PHACTR3: variants seen among roughly 807,000 people sequenced by gnomAD.
PHACTR3 encodes protein phosphatase 1, regulatory subunit 123.
In PHACTR3, 16 loss-of-function variants were observed where a neutral mutation model predicts 66.8. The observed-to-expected ratio is 0.24, with a 90% CI of 0.16 to 0.36. PHACTR3 has a LOEUF of 0.36. Ranked by LOEUF, PHACTR3 falls within the 10% of genes least tolerant of loss-of-function variation. The pLI, the probability that PHACTR3 is intolerant of heterozygous loss-of-function variation, is 1.00. For missense variants in PHACTR3, 647 were observed against 719.9 expected (o/e 0.90, Z 1.16); for synonymous variants, 323 against 292.1 (o/e 1.11, Z -1.08).
At chr20:59,645,240 T>C (rs2035244372) in intron 1 of PHACTR3, among the ~76,000 whole-genome samples, 1 of 150,904 alleles carries the variant, frequency 6.6e-6, no homozygotes, top group African/African-American at 2.4e-5. Context: ...TTTTTTTTTT[T>C]TTACCCACTC....
At chr20:59,707,947 TAACAATGTGAA>T (rs1470711252) in intron 1 of PHACTR3, among the ~76,000 whole-genome samples, 5 of 152,240 alleles carry the variant, frequency 3.3e-5, no homozygotes, top group Non-Finnish European at 7.3e-5. Flanking sequence ...TGTTCCTTTT[TAACAATGTGAA>T]ATGGACTAAC....
At chr20:59,611,375 C>T (rs940763546) in intron 1 of PHACTR3, among the ~76,000 whole-genome samples, 4 of 152,226 alleles carry the variant, frequency 2.6e-5, no homozygotes, top group African/African-American at 4.8e-5. Context: ...CAGCAGGGAG[C>T]GGGAGGAGGC....
At chr20:59,628,972 T>C (rs1171136450) in intron 1 of PHACTR3, among the ~76,000 whole-genome samples, 1 of 152,218 alleles carries the variant, frequency 6.6e-6, no homozygotes. Flanking sequence ...AGGTGGACAT[T>C]GGTACAGTGA....
intron 2 of PHACTR3, among the ~76,000 whole-genome samples, chr20:59,743,657 G>A (rs760817205): frequency 4.1e-4 from 63 of 152,328 alleles, no homozygotes; most frequent in South Asian, 4.1e-4. Flanking sequence ...CAGCCCACGC[G>A]ACTCCCGCAC....
chr20:59,754,885 G>A (rs2039728413), intron 3 of PHACTR3, among the ~76,000 whole-genome samples: 2 of 152,230 alleles, frequency 1.3e-5, no homozygotes, highest in Non-Finnish European at 2.9e-5. Context: ...AAAGGTGCAC[G>A]GCAGTGGGTG....
intron 8 of PHACTR3, 148 bp downstream of exon 8, chr20:59,806,342 T>TGGGGCCGTGTGGGGGCCCTTTCCTGTG (rs2041569129): frequency 1.1e-6 from 1 of 948,662 alleles, no homozygotes; most frequent in African/African-American, 1.7e-5. Context: ...CGTTGACGTT[T>TGGGGCCGTGTGGGGGCCCTTTCCTGTG]GGGGCCGTGT....
At chr20:59,670,615 G>C (rs914279031) in intron 1 of PHACTR3, among the ~76,000 whole-genome samples, 4 of 129,042 alleles carry the variant, frequency 3.1e-5, no homozygotes, top group Non-Finnish European at 6.7e-5. Context: ...TGGGGGGGGG[G>C]GGCAGGCACT....
At chr20:59,709,023 T>C (rs768153105) in intron 1 of PHACTR3, among the ~76,000 whole-genome samples, 25 of 152,324 alleles carry the variant, frequency 1.6e-4, no homozygotes, top group Non-Finnish European at 3.4e-4. Context: ...GTCTTCCCTT[T>C]TTGGTTATCC....
At chr20:59,578,225 TG>T (rs543410112) in intron 1 of PHACTR3, among the ~76,000 whole-genome samples, 282 of 152,298 alleles carry the variant, frequency 1.9e-3, no homozygotes, top group African/African-American at 6.4e-3. Flanking sequence ...GGGCCCCAGC[TG>T]GGCCAGGGAA....
chr20:59,747,759 G>A lies in PHACTR3; in HGVS notation c.282G>A (p.Ala94=), dbSNP rs752400597. The change falls in exon 3 of 13, where the codon GCG becomes GCA. Residue 94 remains alanine, a splice_region_variant and synonymous_variant. Transcript: ENST00000371015. ...KNEKLKQTTS[A]LEKKMAGRQG... ...CCTGTGTGTTTGTGTGTTGGGCAGC[G>A]CTGGAGAAGAAGATGGCCGGCAGGC... 100 of 1,613,762 alleles carry A rather than the reference G, an allele frequency of 6.2e-5. No homozygotes were observed. The highest frequency in any genetic ancestry group is 3.3e-4 in the East Asian group (15 of 44,892).
At chr20:59,782,594 G>A (rs1419650206) in intron 7 of PHACTR3, among the ~76,000 whole-genome samples, 1 of 152,146 alleles carries the variant, frequency 6.6e-6, no homozygotes, top group African/African-American at 2.4e-5. Context: ...CCTGCCTGGG[G>A]AGGCCTCACA....
intron 1 of PHACTR3, among the ~76,000 whole-genome samples, chr20:59,636,837 T>C (rs1407738749): frequency 6.6e-6 from 1 of 152,226 alleles, no homozygotes; most frequent in Non-Finnish European, 1.5e-5. Context: ...GTCTAGAAGA[T>C]AGTTGCTACC....
intron 1 of PHACTR3, among the ~76,000 whole-genome samples, chr20:59,742,790 A>G (rs1448625286): frequency 6.6e-6 from 1 of 152,156 alleles, no homozygotes; most frequent in African/African-American, 2.4e-5. Flanking sequence ...GCAGAGCACG[A>G]GCAAGGGTCC....
intron 1 of PHACTR3, among the ~76,000 whole-genome samples, chr20:59,658,848 A>G (rs2035713048): frequency 6.6e-6 from 1 of 152,092 alleles, no homozygotes; most frequent in African/African-American, 2.4e-5. Context: ...GGCTCTTCTT[A>G]GCTGTCTTGC....
chr20:59,635,958 G>A (rs974134532), intron 1 of PHACTR3, among the ~76,000 whole-genome samples: 4 of 152,190 alleles, frequency 2.6e-5, no homozygotes, highest in Admixed American at 2.0e-4. Flanking sequence ...TGTTTGTCCA[G>A]AGTGGCCACG....
intron 1 of PHACTR3, among the ~76,000 whole-genome samples, chr20:59,648,451 G>A (rs2035357267): frequency 6.6e-6 from 1 of 152,328 alleles, no homozygotes; most frequent in East Asian, 1.9e-4. Flanking sequence ...ACCAGAAAAG[G>A]TGGTGATGGC....
At chr20:59,808,300 G>C (rs1349733961) in intron 8 of PHACTR3, among the ~76,000 whole-genome samples, 2 of 152,214 alleles carry the variant, frequency 1.3e-5, no homozygotes, top group Non-Finnish European at 1.5e-5. Context: ...GCATCGGTGG[G>C]CTTTCAGAGG....
chr20:59,806,235 G>T (rs183414605), intron 8 of PHACTR3, 41 bp downstream of exon 8: 2 of 1,597,784 alleles, frequency 1.3e-6, no homozygotes, highest in Non-Finnish European at 1.7e-6. Context: ...CTGTGCTCTG[G>T]CCTTGCAGGC....
intron 8 of PHACTR3, among the ~76,000 whole-genome samples, chr20:59,821,487 C>T (rs535250410): frequency 6.6e-6 from 1 of 152,284 alleles, no homozygotes; most frequent in East Asian, 1.9e-4. Context: ...AGAAGCTCCT[C>T]CACACACATC....
Sources: gnomAD v4.1 joint callset for allele counts (sites outside exome capture counted in the v4.1 genomes callset) on GRCh38, gnomAD v4.1.1 for gene constraint, MANE v1.5 for transcripts, NCBI Gene and HGNC (gene_info 2026-07-23, HGNC 2026-07-21) for gene names.